XRCC4: variants seen among roughly 807,000 people sequenced by gnomAD.
XRCC4 encodes the protein X-ray repair cross complementing 4.
XRCC4 carries 28 observed loss-of-function variants against 39.1 expected under a neutral mutation model. The observed-to-expected ratio is 0.72, with a 90% CI of 0.53 to 0.98. The LOEUF is 0.98. Among genes scored for constraint, XRCC4 ranks in the 50% least tolerant of loss-of-function variants. The probability of loss-of-function intolerance (pLI) is 0.00; values close to 1 mark genes in which losing one functional copy is unlikely to be tolerated. For missense variants in XRCC4, 350 were observed against 376.4 expected, an observed-to-expected ratio of 0.93 and a Z score of 0.58; for synonymous variants, 123 against 126.4, an observed-to-expected ratio of 0.97 and a Z score of 0.18.
intron 7 of XRCC4, among the ~76,000 whole-genome samples, chr5:83,321,989 A>C (rs1756091645): frequency 6.6e-6 from 1 of 150,400 alleles, no homozygotes; most frequent in South Asian, 2.1e-4. Flanking sequence ...TGTATCATTT[A>C]AAATAAAACA....
chr5:83,328,922 T>C (rs1048926719), intron 7 of XRCC4, among the ~76,000 whole-genome samples: 15 of 151,840 alleles, frequency 9.9e-5, no homozygotes, highest in African/African-American at 3.6e-4. Context: ...GACAATTGAG[T>C]TTTTTATTTT....
intron 2 of XRCC4, among the ~76,000 whole-genome samples, chr5:83,110,589 T>C (rs182417078): frequency 6.6e-6 from 1 of 151,718 alleles, no homozygotes; most frequent in African/African-American, 2.4e-5. Context: ...TGAGCTCCAC[T>C]TTTGCTTTTG....
intron 6 of XRCC4, among the ~76,000 whole-genome samples, chr5:83,232,618 T>G (rs1752538756): frequency 6.6e-6 from 1 of 152,136 alleles, no homozygotes; most frequent in Admixed American, 6.6e-5. Flanking sequence ...AACTAAATAC[T>G]GTGAAATTTT....
At chr5:83,333,690 C>T (rs1201649207) in intron 7 of XRCC4, among the ~76,000 whole-genome samples, 3 of 151,870 alleles carry the variant, frequency 2.0e-5, no homozygotes, top group African/African-American at 4.8e-5. Flanking sequence ...TAAAGAGAAA[C>T]CTAAAGAATT....
chr5:83,081,458 T>C (rs1744938358), intron 1 of XRCC4, among the ~76,000 whole-genome samples: 2 of 152,282 alleles, frequency 1.3e-5, no homozygotes, highest in South Asian at 4.1e-4. Context: ...CAGACTGAAA[T>C]GTACTTGAGG....
intron 1 of XRCC4, among the ~76,000 whole-genome samples, chr5:83,103,009 G>GATGTATATATATATAT (rs1746012276): frequency 9.4e-6 from 1 of 106,464 alleles, no homozygotes; most frequent in African/African-American, 3.9e-5. Context: ...AGATAGAGCT[G>GATGTATATATATATAT]ATATATATAT....
chr5:83,316,512 AC>A (rs1419742555), intron 7 of XRCC4, among the ~76,000 whole-genome samples: 1 of 150,920 alleles, frequency 6.6e-6, no homozygotes, highest in African/African-American at 2.4e-5. Flanking sequence ...AGAAAGATCT[AC>A]CAAGCCAATG....
intron 3 of XRCC4, among the ~76,000 whole-genome samples, chr5:83,143,663 C>T (rs1230869301): frequency 1.3e-5 from 2 of 151,970 alleles, no homozygotes; most frequent in Non-Finnish European, 2.9e-5. Context: ...TTTAATTTTG[C>T]CTTCAATCTT....
At chr5:83,305,254 A>G (rs1251703944) in intron 7 of XRCC4, among the ~76,000 whole-genome samples, 1 of 152,020 alleles carries the variant, frequency 6.6e-6, no homozygotes, top group Non-Finnish European at 1.5e-5. Context: ...ATATTAATAC[A>G]CTATTGTTAA....
At chr5:83,123,991 C>A (rs1316095506) in intron 3 of XRCC4, among the ~76,000 whole-genome samples, 1 of 151,950 alleles carries the variant, frequency 6.6e-6, no homozygotes, top group Non-Finnish European at 1.5e-5. Context: ...TCCTGTGTAC[C>A]CTTCACTCAG....
intron 3 of XRCC4, among the ~76,000 whole-genome samples, chr5:83,181,530 GAT>G (rs1199908177): frequency 1.3e-5 from 2 of 152,066 alleles, no homozygotes; most frequent in Non-Finnish European, 2.9e-5. Flanking sequence ...ACTTTGGAGT[GAT>G]ATGTCTTTAA....
At chr5:83,156,306 T>C (rs1278012835) in intron 3 of XRCC4, among the ~76,000 whole-genome samples, 1 of 151,732 alleles carries the variant, frequency 6.6e-6, no homozygotes, top group East Asian at 1.9e-4. Context: ...TTTGCTTTTT[T>C]GTTGGTACCC....
At chr5:83,178,441 A>AG (rs1323396449) in intron 3 of XRCC4, among the ~76,000 whole-genome samples, 1 of 152,166 alleles carries the variant, frequency 6.6e-6, no homozygotes, top group Non-Finnish European at 1.5e-5. Flanking sequence ...CAGCCATCAC[A>AG]GGGCTGGCAC....
intron 5 of XRCC4, 68 bp downstream of exon 5, chr5:83,203,775 A>G: frequency 2.5e-6 from 4 of 1,570,714 alleles, no homozygotes; most frequent in South Asian, 1.2e-5. Context: ...CCCAAAGTTA[A>G]TGAACATTAG....
chr5:83,214,617 G>A (rs1751780678), intron 6 of XRCC4, among the ~76,000 whole-genome samples: 2 of 151,978 alleles, frequency 1.3e-5, no homozygotes, highest in Admixed American at 6.6e-5. Context: ...CAGATCACAA[G>A]GTCAGGAGAT....
At chr5:83,123,056 G>A (rs560905781) in intron 3 of XRCC4, among the ~76,000 whole-genome samples, 158 of 152,174 alleles carry the variant, frequency 1.0e-3, no homozygotes, top group Middle Eastern at 3.4e-3. Flanking sequence ...ATTAGATCAG[G>A]TTGGTTGGTG....
intron 7 of XRCC4, among the ~76,000 whole-genome samples, chr5:83,293,921 A>G (rs984579595): frequency 5.3e-5 from 8 of 152,076 alleles, no homozygotes; most frequent in African/African-American, 1.9e-4. Context: ...ATGTATCAGT[A>G]TTCTTTTAAA....
In XRCC4 at chr5:83,205,779, A is replaced by C. The variant is rs140540571; in HGVS notation, c.745+858A>C. Among the ~76,000 whole-genome samples the C allele has an allele frequency of 6.0e-3, 906 of 152,244 alleles. 9 individuals carry two copies. Among genetic ancestry groups the C allele is most frequent in the Non-Finnish European group, 9.5e-3 (649 of 68,022 alleles). On this transcript the variant is annotated intron_variant, in intron 6 of 7. Transcript: ENST00000396027. ...AGGTTGATAAGTGCTAAAGAGAAAA[A>C]TAAACCAGAGAAGGCGTTAGAAAGG...
chr5:83,311,070 C>T (rs1394117888), intron 7 of XRCC4: 1 of 237,244 alleles, frequency 4.2e-6, no homozygotes, highest in Admixed American at 5.0e-5. Context: ...ATTAAGCCAT[C>T]AAGTTTGTGG....
Sources: allele counts gnomAD v4.1 joint callset (sites outside exome capture counted in the v4.1 genomes callset), GRCh38; gene constraint gnomAD v4.1.1; transcripts MANE v1.5; gene names NCBI Gene and HGNC (gene_info 2026-07-23, HGNC 2026-07-21).